The following RGS6 variants were observed in gnomAD, a reference collection of about 807,000 sequenced individuals.
The protein encoded by RGS6 is regulator of G protein signaling 6, also known as regulator of G-protein signaling 6.
Under a neutral mutation model 78.5 loss-of-function variants are expected in RGS6, and 30 were observed. That is an observed-to-expected ratio of 0.38 (90% confidence interval 0.29 to 0.52). RGS6 has a LOEUF of 0.52. RGS6 is among the 20% of genes least tolerant of loss of function. RGS6 has a pLI of 0.85. For synonymous variants in RGS6, 206 were observed against 206.0 expected, an observed-to-expected ratio of 1.00 and a Z score of 0.00; for missense variants, 495 against 609.7, an observed-to-expected ratio of 0.81 and a Z score of 1.98.
chr14:72,016,496 G>T (rs1346479547), intron 2 of RGS6, among the ~76,000 whole-genome samples: 1 of 152,156 alleles, frequency 6.6e-6, no homozygotes, highest in Non-Finnish European at 1.5e-5. Flanking sequence ...CTCCAGAGTA[G>T]CTGGGACTAC....
At chr14:72,364,161 G>A (rs867122668) in intron 3 of RGS6, among the ~76,000 whole-genome samples, 1 of 152,098 alleles carries the variant, frequency 6.6e-6, no homozygotes, top group African/African-American at 2.4e-5. Context: ...ACTAGCTAGT[G>A]TCTATTGTTT....
chr14:72,440,665 G>A (rs560288427), intron 3 of RGS6, among the ~76,000 whole-genome samples: 3 of 152,078 alleles, frequency 2.0e-5, no homozygotes, highest in Non-Finnish European at 2.9e-5. Context: ...TGCCTGCCTC[G>A]GCCTCCCAAA....
At chr14:72,316,684 A>C (rs1410732202) in intron 2 of RGS6, among the ~76,000 whole-genome samples, 1 of 152,236 alleles carries the variant, frequency 6.6e-6, no homozygotes, top group East Asian at 1.9e-4. Flanking sequence ...ATTCTCAAAT[A>C]GATTCCCTAG....
intron 2 of RGS6, among the ~76,000 whole-genome samples, chr14:72,096,822 G>A (rs192645374): frequency 6.8e-4 from 103 of 152,288 alleles, no homozygotes; most frequent in African/African-American, 2.5e-3. Context: ...CCAGATGAAG[G>A]GGCAAGTTCC....
At chr14:71,931,109 C>A (rs1009966559), upstream of RGS6, among the ~76,000 whole-genome samples, 2 of 151,482 alleles carry the variant, frequency 1.3e-5, no homozygotes, top group African/African-American at 4.8e-5. Context: ...CCACAGCCAG[C>A]TCCACAACCG....
chr14:71,972,546 G>A (rs1337064631), intron 2 of RGS6, among the ~76,000 whole-genome samples: 1 of 152,184 alleles, frequency 6.6e-6, no homozygotes, highest in Non-Finnish European at 1.5e-5. Context: ...AGGGTTTGAA[G>A]CAGGGGAGTC....
chr14:71,989,521 C>T (rs575065851), intron 2 of RGS6, among the ~76,000 whole-genome samples: 1 of 152,358 alleles, frequency 6.6e-6, no homozygotes, highest in African/African-American at 2.4e-5. Context: ...CTGTGAAAAA[C>T]ATAAGGCAGA....
intron 6 of RGS6, among the ~76,000 whole-genome samples, chr14:72,461,890 T>A (rs1354716371): frequency 6.6e-6 from 1 of 152,174 alleles, no homozygotes; most frequent in Non-Finnish European, 1.5e-5. Flanking sequence ...TAATGGCACT[T>A]GTCTCCTAGT....
At chr14:72,360,902 A>G (rs1366913615) in intron 3 of RGS6, among the ~76,000 whole-genome samples, 3 of 152,042 alleles carry the variant, frequency 2.0e-5, no homozygotes, top group Non-Finnish European at 4.4e-5. Flanking sequence ...CCTCCATGCT[A>G]TTCTCATGAT....
chr14:72,345,151 T>G (rs1343901821), intron 2 of RGS6, among the ~76,000 whole-genome samples: 1 of 151,966 alleles, frequency 6.6e-6, no homozygotes, highest in Non-Finnish European at 1.5e-5. Flanking sequence ...GTGCAGCTGT[T>G]CCCCCTCCCC....
At chr14:72,363,020 A>T (rs371082702) in intron 3 of RGS6, among the ~76,000 whole-genome samples, 3 of 152,362 alleles carry the variant, frequency 2.0e-5, no homozygotes, top group African/African-American at 7.2e-5. Flanking sequence ...GTTGGAGTTT[A>T]AAACACATTT....
At chr14:72,234,422 A>T (rs1257830510) in intron 2 of RGS6, among the ~76,000 whole-genome samples, 2 of 152,188 alleles carry the variant, frequency 1.3e-5, no homozygotes, top group African/African-American at 4.8e-5. Context: ...GAGAAGAAAA[A>T]AAAAACAATT....
the RGS6 span, among the ~76,000 whole-genome samples, chr14:71,907,741 A>T: frequency 6.6e-6 from 1 of 152,134 alleles, no homozygotes; most frequent in Non-Finnish European, 1.5e-5. Flanking sequence ...GGCCCATGCA[A>T]GAAATGATGG....
At chr14:72,543,503 G>A (rs2097353415) in intron 17 of RGS6, among the ~76,000 whole-genome samples, 1 of 152,226 alleles carries the variant, frequency 6.6e-6, no homozygotes, top group African/African-American at 2.4e-5. Context: ...GAAAACCACA[G>A]TAGGAGAAAT....
intron 2 of RGS6, among the ~76,000 whole-genome samples, chr14:72,295,162 G>A (rs1249968162): frequency 2.0e-5 from 3 of 150,778 alleles, no homozygotes; most frequent in African/African-American, 7.3e-5. Context: ...GTAGTGGCGG[G>A]CGCCTGTAGT....
intron 3 of RGS6, among the ~76,000 whole-genome samples, chr14:72,434,652 T>C (rs1174880372): frequency 6.6e-6 from 1 of 152,138 alleles, no homozygotes; most frequent in Non-Finnish European, 1.5e-5. Context: ...GCCCCTGGAG[T>C]GTAGGGCCAC....
At chr14:72,031,831 T>C (rs568465458) in intron 2 of RGS6, among the ~76,000 whole-genome samples, 41 of 152,102 alleles carry the variant, frequency 2.7e-4, no homozygotes, top group Non-Finnish European at 5.1e-4. Flanking sequence ...TACTCCAGAT[T>C]GCTACTGACA....
At chr14:72,086,526 C>T (rs2095046500) in intron 2 of RGS6, among the ~76,000 whole-genome samples, 1 of 152,206 alleles carries the variant, frequency 6.6e-6, no homozygotes, top group Non-Finnish European at 1.5e-5. Context: ...TCTTGCATCT[C>T]TCTTTCCCCT....
intron 2 of RGS6, among the ~76,000 whole-genome samples, chr14:72,324,989 C>T (rs1483980649): frequency 6.6e-6 from 1 of 152,172 alleles, no homozygotes; most frequent in African/African-American, 2.4e-5. Flanking sequence ...AAAAGTGTTC[C>T]TATTTCTCCA....
Sources: allele counts gnomAD v4.1 joint callset (sites outside exome capture counted in the v4.1 genomes callset), GRCh38; gene constraint gnomAD v4.1.1; transcripts MANE v1.5; gene names NCBI Gene and HGNC (gene_info 2026-07-23, HGNC 2026-07-21).